CCDC7: variants seen among roughly 807,000 people sequenced by gnomAD.
CCDC7 encodes coiled-coil domain-containing protein 7.
CCDC7 carries 183 observed loss-of-function variants against 196.9 expected under a neutral mutation model. The observed-to-expected ratio is 0.93, with a 90% CI of 0.82 to 1.05. The LOEUF (loss-of-function observed/expected upper bound fraction) is 1.05, where lower values mean the gene tolerates loss of function less well. Ranked by LOEUF, CCDC7 falls within the 50% of genes least tolerant of loss-of-function variation. The pLI, the probability that CCDC7 is intolerant of heterozygous loss-of-function variation, is 0.00. For synonymous variants in CCDC7, 525 were observed against 484.6 expected (o/e 1.08, Z -1.10); for missense variants, 1,540 against 1,482.2 (o/e 1.04, Z -0.64).
intron 28 of CCDC7, among the ~76,000 whole-genome samples, chr10:32,736,928 G>C (rs187475464): frequency 1.1e-4 from 16 of 152,158 alleles, no homozygotes; most frequent in Middle Eastern, 6.8e-3. Flanking sequence ...TGATGTCCTT[G>C]ATTTATTCCT....
intron 28 of CCDC7, among the ~76,000 whole-genome samples, chr10:32,743,414 T>A (rs543493000): frequency 6.6e-6 from 1 of 152,354 alleles, no homozygotes; most frequent in African/African-American, 2.4e-5. Context: ...TTTAATTAGA[T>A]CCCATTTGTC....
In CCDC7 at chr10:32,577,174, C is replaced by T. The variant is rs574559752; in HGVS notation, c.1454+5281C>T. On this transcript the variant is annotated intron_variant, in intron 16 of 41. Transcript: ENST00000639629. The stretch of plus-strand genomic sequence containing the variant: ...GTCAAGAGTTCAAGACCAGCCTGGC[C>T]AATATGGTGAAACCCCATCTCTACT... Among the ~76,000 whole-genome samples the T allele has an allele frequency of 4.6e-5, 7 of 151,986 alleles. No individual in the cohort carries two copies. The South Asian group carries it at 1.5e-3, about 32-fold the overall frequency.
At chr10:32,632,792 T>A (rs2065055525) in intron 18 of CCDC7, among the ~76,000 whole-genome samples, 1 of 152,158 alleles carries the variant, frequency 6.6e-6, no homozygotes, top group Non-Finnish European at 1.5e-5. Flanking sequence ...TTCATATAGA[T>A]TGAAGAACAA....
intron 16 of CCDC7, among the ~76,000 whole-genome samples, chr10:32,582,780 T>C (rs565226049): frequency 3.5e-4 from 53 of 152,300 alleles, no homozygotes; most frequent in African/African-American, 1.1e-3. Context: ...TTCTATGGCT[T>C]ACAACCTTGA....
chr10:32,665,349 C>T (rs1021917379), intron 21 of CCDC7, among the ~76,000 whole-genome samples: 5 of 151,764 alleles, frequency 3.3e-5, no homozygotes, highest in African/African-American at 1.2e-4. Context: ...GCTTTTATTA[C>T]CTTGCTTTTG....
At chr10:32,673,685 G>GTGTGTGTA (rs1322109850) in intron 21 of CCDC7, among the ~76,000 whole-genome samples, 19 of 150,118 alleles carry the variant, frequency 1.3e-4, no homozygotes, top group African/African-American at 4.6e-4. Context: ...GTGTGTGTGT[G>GTGTGTGTA]TGTAGTTTAG....
intron 3 of CCDC7, among the ~76,000 whole-genome samples, chr10:32,458,480 T>C (rs1342646561): frequency 6.9e-4 from 4 of 5,776 alleles, no homozygotes; most frequent in Non-Finnish European, 1.7e-3. Flanking sequence ...TGTGTGTGTG[T>C]GCTTTTTTTT....
exon 11 of CCDC7, chr10:32,518,423 A>G (rs754327756): frequency 1.9e-6 from 3 of 1,600,446 alleles, no homozygotes; most frequent in Middle Eastern, 1.8e-4. Flanking sequence ...TAGGAATACA[A>G]ACAGATGCAG....
intron 28 of CCDC7, among the ~76,000 whole-genome samples, chr10:32,755,963 C>G (rs1036170389): frequency 6.6e-6 from 1 of 152,092 alleles, no homozygotes; most frequent in East Asian, 1.9e-4. Context: ...GATACATGCA[C>G]AAGCTTCAGT....
intron 29 of CCDC7, among the ~76,000 whole-genome samples, chr10:32,797,668 T>C (rs1297282275): frequency 6.6e-6 from 1 of 152,136 alleles, no homozygotes; most frequent in Non-Finnish European, 1.5e-5. Flanking sequence ...AATAAAAACA[T>C]AGTTTAAAAA....
intron 18 of CCDC7, among the ~76,000 whole-genome samples, chr10:32,614,234 G>T (rs867086194): frequency 1.0e-4 from 15 of 143,064 alleles, no homozygotes; most frequent in Admixed American, 2.8e-4. Context: ...GCAACCCCTG[G>T]TTTTTTTTTT....
At chr10:32,461,628 G>C in intron 3 of CCDC7, among the ~76,000 whole-genome samples, 1 of 147,478 alleles carries the variant, frequency 6.8e-6, no homozygotes, top group South Asian at 2.1e-4. Context: ...TATTGTACTT[G>C]CTGCTGTATG....
At chr10:32,546,084 A>G (rs761161827) in intron 13 of CCDC7, among the ~76,000 whole-genome samples, 1 of 152,100 alleles carries the variant, frequency 6.6e-6, no homozygotes, top group East Asian at 1.9e-4. Flanking sequence ...TATCCATTCA[A>G]ATCACCCTGG....
chr10:32,809,308 A>G (rs1290721191), intron 30 of CCDC7, among the ~76,000 whole-genome samples: 2 of 152,224 alleles, frequency 1.3e-5, no homozygotes, highest in African/African-American at 4.8e-5. Context: ...GTAGAAGAGA[A>G]CACAGATAAA....
intron 13 of CCDC7, among the ~76,000 whole-genome samples, chr10:32,562,688 A>G (rs576708475): frequency 2.0e-5 from 3 of 152,006 alleles, no homozygotes; most frequent in African/African-American, 7.3e-5. Flanking sequence ...CCCACAGCCA[A>G]TATCATACTG....
chr10:32,731,458 C>G (rs953680627), intron 28 of CCDC7, among the ~76,000 whole-genome samples: 9 of 151,100 alleles, frequency 6.0e-5, no homozygotes, highest in African/African-American at 1.9e-4. Context: ...TTTTTTTTGT[C>G]TGATTCAGAT....
At position 32,837,734 on chromosome 10, in the gene CCDC7, A is replaced by G. The variant is rs528016467; in HGVS notation, c.3352+2836A>G. ...ATGTGGCACATATACACCATGGAAT[A>G]CCATGCAGCCATAAAAAATGATGAG... On this transcript the variant is annotated intron_variant, in intron 33 of 41. Coordinates refer to ENST00000639629, the Ensembl canonical transcript of CCDC7. 7.9e-5 allele frequency among the ~76,000 whole-genome samples: 12 copies of G among 152,274 alleles called. 1 individual carries two copies. In the South Asian group the frequency reaches 2.1e-3, roughly 26 times the overall value.
intron 9 of CCDC7, among the ~76,000 whole-genome samples, chr10:32,506,213 C>G (rs1306414560): frequency 7.0e-6 from 1 of 143,232 alleles, no homozygotes; most frequent in Non-Finnish European, 1.5e-5. Context: ...TCACTTCCTC[C>G]CAGACGGGGT....
intron 9 of CCDC7, among the ~76,000 whole-genome samples, chr10:32,500,007 A>T (rs1001604078): frequency 2.0e-5 from 3 of 152,212 alleles, no homozygotes; most frequent in Non-Finnish European, 2.9e-5. Flanking sequence ...ACTTCTTTCT[A>T]CACAGACACA....
Sources: gnomAD v4.1 joint callset for allele counts (sites outside exome capture counted in the v4.1 genomes callset) on GRCh38, gnomAD v4.1.1 for gene constraint, MANE v1.5 for transcripts, NCBI Gene and HGNC (gene_info 2026-07-23, HGNC 2026-07-21) for gene names.